The following HTR4 variants were observed in gnomAD, a reference collection of about 807,000 sequenced individuals.
HTR4 encodes 5-hydroxytryptamine receptor 4, also known as 5-hydroxytryptamine (serotonin) receptor 4, G protein-coupled.
HTR4 carries 16 observed loss-of-function variants against 36.8 expected under a neutral mutation model. The observed-to-expected ratio is 0.43, with a 90% CI of 0.29 to 0.66. HTR4 has a LOEUF of 0.66. HTR4 is among the 30% of genes least tolerant of loss of function. The pLI, the probability that HTR4 is intolerant of heterozygous loss-of-function variation, is 0.13. For synonymous variants in HTR4, 189 were observed against 185.1 expected (o/e 1.02, Z -0.17); for missense variants, 438 against 490.9 (o/e 0.89, Z 1.02).
In HTR4 at chr5:148,458,142, C is replaced by A. The variant is rs1461181239; in HGVS notation, c.1077-6870G>T. On this transcript the variant is annotated intron_variant, in intron 5 of 5. Coordinates refer to the HTR4 transcript ENST00000521530. ...CTTAAAATATAATATATTTTAATAT[C>A]TATTTAATATATCATTAAAATATAT... 5.2e-4 allele frequency among the ~76,000 whole-genome samples: 70 copies of A among 135,830 alleles called. 1 individual carries two copies. Among genetic ancestry groups the A allele is most frequent in the Middle Eastern group, 5.0e-3 (1 of 200 alleles). The allele number at this position is 135,830 out of a possible 152,430, so 89.1% of individuals were successfully genotyped here.
chr5:148,641,807 T>A (rs1241871856), intron 1 of HTR4, among the ~76,000 whole-genome samples: 6 of 152,200 alleles, frequency 3.9e-5, no homozygotes, highest in Non-Finnish European at 8.8e-5. Context: ...TTTACCCTCG[T>A]TTCTGATTCA....
intron 2 of HTR4, among the ~76,000 whole-genome samples, chr5:148,564,489 A>G (rs895313648): frequency 4.6e-5 from 7 of 152,228 alleles, no homozygotes; most frequent in East Asian, 3.8e-4. Context: ...TAACAAATAT[A>G]TGTTAGACAA....
intron 4 of HTR4, among the ~76,000 whole-genome samples, chr5:148,530,438 T>C (rs1258274269): frequency 2.6e-5 from 4 of 152,150 alleles, no homozygotes; most frequent in Admixed American, 2.6e-4. Context: ...GCTCAGGCCA[T>C]AGCTTCAGAG....
chr5:148,451,297 G>C (rs1754967846), intron 5 of HTR4: 2 of 1,613,378 alleles, frequency 1.2e-6, no homozygotes, highest in Non-Finnish European at 1.7e-6. Flanking sequence ...AAGAAGGCAT[G>C]AGAATTCAAC....
chr5:148,575,706 A>G (rs1274853169), intron 2 of HTR4, among the ~76,000 whole-genome samples: 1 of 152,116 alleles, frequency 6.6e-6, no homozygotes, highest in African/African-American at 2.4e-5. Flanking sequence ...CTATAGTCAT[A>G]AAATTGACTG....
rs867420687 is a variant in HTR4, at chr5:148,451,097, G to A, written c.*88C>T. On this transcript the variant is annotated 3_prime_UTR_variant, in exon 6 of 6. Coordinates refer to the HTR4 transcript ENST00000521530. ...CCTACTACCTGATGCCTCACTGGTG[G>A]TGATGAGGTTCAGAAGTGATGCCAG... 22 of 1,592,752 alleles carry A rather than the reference G, an allele frequency of 1.4e-5. 2 individuals are homozygous for A. The Middle Eastern group carries it at 4.3e-3, about 308-fold the overall frequency.
chr5:148,479,924 A>C (rs985615817), downstream of HTR4, among the ~76,000 whole-genome samples: 5 of 152,234 alleles, frequency 3.3e-5, no homozygotes, highest in African/African-American at 1.2e-4. Flanking sequence ...ATAGCATTAA[A>C]CCACAATTAA....
intron 5 of HTR4, among the ~76,000 whole-genome samples, chr5:148,455,791 A>G (rs55654193): frequency 0.023 from 3,541 of 152,296 alleles, 147 homozygotes; most frequent in African/African-American, 0.08. Flanking sequence ...TTTTGTACTT[A>G]TAATAAAGTA....
chr5:148,566,268 A>G (rs1760437916), intron 2 of HTR4, among the ~76,000 whole-genome samples: 1 of 152,212 alleles, frequency 6.6e-6, no homozygotes. Flanking sequence ...CTTTGTAAAA[A>G]TATGTATTTA....
At chr5:148,461,424 T>G (rs1394160199) in intron 5 of HTR4, among the ~76,000 whole-genome samples, 1 of 151,992 alleles carries the variant, frequency 6.6e-6, no homozygotes. Flanking sequence ...GATGGAGAAA[T>G]ATATACCAAG....
chr5:148,607,250 T>C (rs1219232412), intron 2 of HTR4, among the ~76,000 whole-genome samples: 1 of 152,184 alleles, frequency 6.6e-6, no homozygotes, highest in Admixed American at 6.5e-5. Context: ...TTTTCCATGC[T>C]CCCAGATCAC....
chr5:148,636,033 T>G (rs1221853724), intron 2 of HTR4, among the ~76,000 whole-genome samples: 1 of 152,182 alleles, frequency 6.6e-6, no homozygotes, highest in African/African-American at 2.4e-5. Context: ...ATCTCTTTAT[T>G]AAATACCCAC....
chr5:148,535,851 A>G (rs1758793095), intron 4 of HTR4, among the ~76,000 whole-genome samples: 2 of 152,188 alleles, frequency 1.3e-5, no homozygotes, highest in Non-Finnish European at 2.9e-5. Context: ...CAACCTTGCT[A>G]GAGGCCAACA....
At chr5:148,607,822 C>T (rs866660389) in intron 2 of HTR4, among the ~76,000 whole-genome samples, 70 of 152,272 alleles carry the variant, frequency 4.6e-4, no homozygotes, top group Middle Eastern at 3.4e-3. Context: ...GGACTAAGCC[C>T]CACAATACTC....
At chr5:148,506,152 C>T (rs1395122029) in intron 6 of HTR4, among the ~76,000 whole-genome samples, 1 of 152,144 alleles carries the variant, frequency 6.6e-6, no homozygotes, top group Admixed American at 6.5e-5. Flanking sequence ...AGCAAAACAG[C>T]ATGGTACTGG....
intron 2 of HTR4, among the ~76,000 whole-genome samples, chr5:148,610,147 T>C (rs1345115491): frequency 3.3e-5 from 5 of 152,206 alleles, no homozygotes; most frequent in African/African-American, 7.2e-5. Context: ...GGAGGCCTTC[T>C]TCAGCCCTCA....
chr5:148,543,970 T>C (rs1405972206), intron 4 of HTR4, among the ~76,000 whole-genome samples: 1 of 152,186 alleles, frequency 6.6e-6, no homozygotes, highest in East Asian at 1.9e-4. Flanking sequence ...TGAAGCAGAA[T>C]GTTCTCAGAG....
At chr5:148,467,933 A>C (rs1477921529) in intron 5 of HTR4, among the ~76,000 whole-genome samples, 1 of 152,236 alleles carries the variant, frequency 6.6e-6, no homozygotes, top group African/African-American at 2.4e-5. Context: ...GGAGTGTTAC[A>C]CATTTCCCCC....
At chr5:148,637,107 G>A (rs1298933297) in intron 1 of HTR4, 46 bp from the exon 2 acceptor site, 1 of 1,260,492 alleles carries the variant, frequency 7.9e-7, no homozygotes, top group Non-Finnish European at 1.2e-6. Flanking sequence ...AAGCAGCATT[G>A]AAAAATACAA....
Sources: allele counts gnomAD v4.1 joint callset (sites outside exome capture counted in the v4.1 genomes callset), GRCh38; gene constraint gnomAD v4.1.1; transcripts MANE v1.5; gene names NCBI Gene and HGNC (gene_info 2026-07-23, HGNC 2026-07-21).